The following AP5Z1 variants were observed in gnomAD, a reference collection of about 807,000 sequenced individuals.
AP5Z1 encodes the protein adaptor related protein complex 5 subunit zeta 1, also known as AP-5 complex subunit zeta-1.
AP5Z1 carries 106 observed loss-of-function variants against 83.0 expected under a neutral mutation model. The ratio of observed to expected loss-of-function variants is 1.28; its 90% CI spans 1.09 to 1.50. The LOEUF is 1.50. AP5Z1 is among the 40% of genes most tolerant of loss of function. The pLI is 0.00. For missense variants in AP5Z1, 1,565 were observed against 1,094.2 expected, an observed-to-expected ratio of 1.43 and a Z score of -6.07; for synonymous variants, 751 against 514.1, an observed-to-expected ratio of 1.46 and a Z score of -6.23.
intron 1 of AP5Z1, among the ~76,000 whole-genome samples, chr7:4,779,832 C>T (rs1199891211): frequency 2.0e-5 from 3 of 151,726 alleles, no homozygotes; most frequent in Non-Finnish European, 2.9e-5. Context: ...TTAGTAGAAA[C>T]GGGGTTTCTC....
rs1781500656 is a variant in AP5Z1, at chr7:4,785,156, GT to G, written c.931+109del. On this transcript the variant is annotated intron_variant, in intron 7 of 16. Transcript: ENST00000649063. ...CCTGAGCTACTGCTCCACAGAGGGGGTCCCTGGGTAGCCGGTTTGGAGCAGG... is the reference window on the plus strand; with the variant it reads ...CCTGAGCTACTGCTCCACAGAGGGGGCCCTGGGTAGCCGGTTTGGAGCAGG... 2.4e-5 allele frequency: 36 copies of G among 1,484,158 alleles called. 1 individual carries two copies. In the South Asian group the frequency reaches 4.8e-4, roughly 20 times the overall value. The allele number at this position is 1,484,158 out of a possible 1,614,324, so 91.9% of individuals were successfully genotyped here.
chr7:4,780,357 C>T (rs575547449), intron 1 of AP5Z1, among the ~76,000 whole-genome samples: 6 of 152,168 alleles, frequency 3.9e-5, no homozygotes, highest in Non-Finnish European at 7.4e-5. Context: ...TGGTGGCTCA[C>T]GCTTGTCATC....
rs746964479 is a variant in AP5Z1, at chr7:4,781,281, C to G, written c.148C>G (p.Leu50Val). 2.5e-6 allele frequency: 4 copies of G among 1,613,612 alleles called. No individual in the cohort carries two copies. Among genetic ancestry groups the G allele is most frequent in the Middle Eastern group, 1.6e-4 (1 of 6,066 alleles). Residue 50 changes from leucine (L) to valine (V), a missense_variant, in exon 2 of 17, where the codon CTC becomes GTC. Transcript: ENST00000649063. ...DTLDSLQRLF[L>V]IISATKYSRR... Reference sequence around the variant, plus strand: ...CCTCGACTCCCTGCAGAGGCTCTTCCTCATCATCTCAGCCACGAAGTACAG... The same window carrying G: ...CCTCGACTCCCTGCAGAGGCTCTTCGTCATCATCTCAGCCACGAAGTACAG...
rs1221361344 is a variant in AP5Z1, at chr7:4,792,725, C to T, written c.*1340C>T. The T allele has an allele frequency of 2.0e-5, 3 of 152,362 alleles. No individual in the cohort carries two copies. Among genetic ancestry groups the T allele is most frequent in the Middle Eastern group, 3.4e-3 (1 of 294 alleles). 9.4% of individuals were successfully genotyped at this position (152,362 alleles called of 1,614,324 possible). ...AAAGGCTGGCGCTGGCAGGCGCTTC[C>T]GTCGGCAGCACTGTGTTTGTGTTTC... is the stretch of plus-strand genomic sequence containing the variant. On this transcript the variant is annotated 3_prime_UTR_variant, in exon 17 of 17. Transcript: ENST00000649063.
At chr7:4,788,600 G>T (rs980467017) in intron 12 of AP5Z1, 2 of 501,480 alleles carry the variant, frequency 4.0e-6, no homozygotes, top group African/African-American at 3.9e-5. Context: ...GGAGGCCTGG[G>T]ACCGGCCACA....
chr7:4,780,575 C>T (rs568338011), intron 1 of AP5Z1, among the ~76,000 whole-genome samples: 29 of 152,200 alleles, frequency 1.9e-4, no homozygotes, highest in Admixed American at 8.5e-4. Flanking sequence ...CCATCCTGGC[C>T]AACATGGTGA....
Position 4,783,771 on chromosome 7 carries a change from C to G in AP5Z1, c.594C>G (p.Gly198=), listed in dbSNP as rs559118885. 1.3e-6 allele frequency: 2 copies of G among 1,549,874 alleles called. No homozygotes were observed. The highest frequency in any genetic ancestry group is 3.9e-5 in the Admixed American group (2 of 51,122). ...AGCAAGGGCTCCCACACTCCGGCGG[C>G]TTCTTCTCCACGCCCAGGGCCCGGC... is the stretch of plus-strand genomic sequence containing the variant. ...SLQQGLPHSG[G]FFSTPRARQP... The change falls in exon 5 of 17, where the codon GGC becomes GGG. Residue 198 remains glycine, a synonymous_variant. Coordinates refer to ENST00000649063, the MANE Select transcript of AP5Z1 (RefSeq NM_014855.3).
chr7:4,790,468 T>A lies in AP5Z1; in HGVS notation c.1815T>A (p.Ser605Arg), dbSNP rs763417973. 1.2e-6 allele frequency: 2 copies of A among 1,612,858 alleles called. No individual in the cohort carries two copies. Among genetic ancestry groups the A allele is most frequent in the African/African-American group, 2.7e-5 (2 of 74,892 alleles). The change falls in exon 15 of 17, where the codon AGT (serine) becomes AGA (arginine). Residue 605 changes from serine (S) to arginine (R), a missense_variant. Coordinates refer to ENST00000649063, the MANE Select transcript of AP5Z1 (RefSeq NM_014855.3). ...GYAAGVHSVL[S>R]SQFLALCTLK... The stretch of plus-strand genomic sequence containing the variant: ...CCGGCTTTCTGGGCAGTGTGCTGAG[T>A]TCTCAGTTCCTGGCCCTGTGTACGC...
intron 1 of AP5Z1, 24 bp downstream of exon 1, chr7:4,775,780 C>T (rs1233078570): frequency 1.2e-6 from 2 of 1,600,512 alleles, no homozygotes; most frequent in Admixed American, 1.7e-5. Context: ...GCGGCCCCGG[C>T]CCTCCTTCCT....
Position 4,785,636 on chromosome 7 carries a change from G to C in AP5Z1, c.1084G>C (p.Ala362Pro). Residue 362 changes from alanine to proline, a missense_variant, in exon 9 of 17, where the codon GCC (alanine) becomes CCC (proline). Ala to Pro is a conservative substitution (Grantham distance 27). Transcript: ENST00000649063. ...GCACGGGCGGGTGCGCGGGGACCCG[G>C]CCTCTGTGCGGGTGCTGCTGCCCCT... ...ALHGRVRGDP[A>P]SVRVLLPLAH... is the part of the protein sequence containing the mutation. The C allele has an allele frequency of 6.4e-7, 1 of 1,567,368 alleles. No homozygotes were observed. The highest frequency in any genetic ancestry group is 8.6e-7 in the Non-Finnish European group (1 of 1,160,008).
rs745794388 is a variant in AP5Z1 at position 4,788,226 on chromosome 7, C to T, written c.1527C>T (p.Phe509=). The T allele has an allele frequency of 1.0e-4, 162 of 1,573,328 alleles. No homozygotes were observed. The highest frequency in any genetic ancestry group is 1.3e-4 in the Non-Finnish European group (153 of 1,160,630). ...SLRAPSCLEA[F]RDPQFQGLFQ... ...GGGCCCCCAGCTGCCTGGAGGCCTTCCGGGACCCGCAGTTCCAGGGTCTTT... is the reference window on the plus strand; with the variant it reads ...GGGCCCCCAGCTGCCTGGAGGCCTTTCGGGACCCGCAGTTCCAGGGTCTTT... Residue 509 remains phenylalanine (F), a synonymous_variant, in exon 12 of 17, where the codon TTC becomes TTT. Coordinates refer to ENST00000649063, the MANE Select transcript of AP5Z1 (RefSeq NM_014855.3).
intron 6 of AP5Z1, among the ~76,000 whole-genome samples, 159 bp downstream of exon 6, chr7:4,784,530 C>T (rs190611391): frequency 2.3e-4 from 35 of 152,242 alleles, no homozygotes; most frequent in African/African-American, 7.7e-4. Flanking sequence ...TGGAGCTAGG[C>T]GGAGAGCACT....
chr7:4,777,928 G>A (rs1332878550), intron 1 of AP5Z1, among the ~76,000 whole-genome samples: 1 of 152,202 alleles, frequency 6.6e-6, no homozygotes, highest in East Asian at 1.9e-4. Context: ...TTAAGGTTTG[G>A]AGCCGGCCAG....
rs989109449 is a variant in AP5Z1, at chr7:4,775,658, C to G, written c.-58C>G. On this transcript the variant is annotated 5_prime_UTR_variant, in exon 1 of 17. Coordinates refer to ENST00000649063, the MANE Select transcript of AP5Z1 (RefSeq NM_014855.3). ...CGGAAGTTGACCGGGGTGCGGAGCT[C>G]CTGGGCTGCAGCTCCTGGAGTTTCC... 1.2e-6 allele frequency: 2 copies of G among 1,601,260 alleles called. No individual in the cohort carries two copies. Among genetic ancestry groups the G allele is most frequent in the Non-Finnish European group, 1.7e-6 (2 of 1,178,196 alleles).
In AP5Z1 at chr7:4,790,982, G is replaced by A. The variant is rs1781749399; in HGVS notation, c.2153+95G>A. On this transcript the variant is annotated intron_variant, in intron 16 of 16. Transcript: ENST00000649063. ...ATCCAGGTGTTGTGAAATGGTCGCAGCAGCGCAGGTCCTGGGTGGGCCCTG... is the reference window on the plus strand; with the variant it reads ...ATCCAGGTGTTGTGAAATGGTCGCAACAGCGCAGGTCCTGGGTGGGCCCTG... The A allele has an allele frequency of 4.1e-6, 6 of 1,476,744 alleles. No homozygotes were observed. In the African/African-American group the frequency reaches 5.6e-5, roughly 14 times the overall value. The allele number at this position is 1,476,744 out of a possible 1,614,324, so 91.5% of individuals were successfully genotyped here. A position where few individuals can be genotyped will look rare whatever the true frequency, so the allele number is the denominator to read the frequency against.
At chr7:4,789,981 TCCTCCCCCTCTCCCCTCCCC>T in intron 14 of AP5Z1, 52 bp downstream of exon 14, 1 of 1,350,368 alleles carries the variant, frequency 7.4e-7, no homozygotes, top group Non-Finnish European at 9.9e-7. Flanking sequence ...CCTCCTGGAC[TCCTCCCCCTCTCCCCTCCCC>T]CCTCCCCTTC....
chr7:4,784,230 G>T lies in AP5Z1; in HGVS notation c.649G>T (p.Ala217Ser). ...GGGCCCCGTCACCGAGGTGGACGGG[G>T]CGGTAGCCACAGACTTCTTCACGGT... ...QPGPVTEVDG[A>S]VATDFFTVLS... is the part of the protein sequence containing the mutation. The change falls in exon 6 of 17, where the codon GCG (alanine) becomes TCG (serine). Residue 217 changes from alanine to serine, a missense_variant. Transcript: ENST00000649063. 6.3e-7 allele frequency: 1 copy of T among 1,590,064 alleles called. No homozygotes were observed.
At chr7:4,785,090 C>T (rs1781498823) in intron 7 of AP5Z1, 42 bp downstream of exon 7, 2 of 1,550,822 alleles carry the variant, frequency 1.3e-6, no homozygotes, top group South Asian at 1.2e-5. Flanking sequence ...CAGGGCTCGA[C>T]GCACCTGCTC....
At position 4,787,687 on chromosome 7, in the gene AP5Z1, G is replaced by T. The variant is rs1274908825; in HGVS notation, c.1365G>T (p.Pro455=). The T allele has an allele frequency of 4.5e-6, 7 of 1,552,504 alleles. No individual in the cohort carries two copies. Among genetic ancestry groups the T allele is most frequent in the Non-Finnish European group, 6.1e-6 (7 of 1,148,858 alleles). ...PLTSEFVALL[P]ALVDAGTALE... ...CCTCCGAGTTTGTGGCGCTCCTCCC[G>T]GCCCTGGTGGACGCTGGCACAGCCC... The change falls in exon 11 of 17, where the codon CCG becomes CCT. Residue 455 remains proline (P), a synonymous_variant. Transcript: ENST00000649063.
Sources: gnomAD v4.1 joint callset for allele counts (sites outside exome capture counted in the v4.1 genomes callset) on GRCh38, gnomAD v4.1.1 for gene constraint, MANE v1.5 for transcripts, NCBI Gene and HGNC (gene_info 2026-07-23, HGNC 2026-07-21) for gene names.